The following SELENOF variants were observed in gnomAD, a reference collection of about 807,000 sequenced individuals.
The protein encoded by SELENOF is 15 kDa selenoprotein.
Under a neutral mutation model 20.5 loss-of-function variants are expected in SELENOF, and 16 were observed. The observed-to-expected ratio is 0.78, with a 90% CI of 0.53 to 1.19. SELENOF has a LOEUF of 1.19. Among genes scored for constraint, SELENOF ranks in the 50% most tolerant of loss-of-function variants. The probability of loss-of-function intolerance (pLI) is 0.00; values close to 1 mark genes in which losing one functional copy is unlikely to be tolerated. For synonymous variants in SELENOF, 78 were observed against 74.5 expected, an observed-to-expected ratio of 1.05 and a Z score of -0.24; for missense variants, 215 against 194.2, an observed-to-expected ratio of 1.11 and a Z score of -0.64.
rs1411033695 is a variant in SELENOF, at chr1:86,866,756, TATC to T, written c.366+1294_366+1296del. 2.0e-5 allele frequency among the ~76,000 whole-genome samples: 3 copies of T among 152,172 alleles called. No individual in the cohort carries two copies. In the East Asian group the frequency reaches 5.8e-4, roughly 29 times the overall value. On this transcript the variant is annotated intron_variant, in intron 4 of 4. Transcript: ENST00000331835. The stretch of plus-strand genomic sequence containing the variant: ...ATTGCAAATTAAAATAACAATGAAA[TATC>T]ATCACATACTTATTAGAACAACTAA...
At chr1:86,865,848 C>T (rs891500198) in intron 4 of SELENOF, among the ~76,000 whole-genome samples, 3 of 152,002 alleles carry the variant, frequency 2.0e-5, no homozygotes, top group Admixed American at 2.0e-4. Flanking sequence ...GCATTATTTA[C>T]AATAGCCAAG....
chr1:86,896,286 GA>G (rs896651280), intron 2 of SELENOF, among the ~76,000 whole-genome samples: 1 of 150,952 alleles, frequency 6.6e-6, no homozygotes, highest in African/African-American at 2.4e-5. Context: ...TATAGTTAGG[GA>G]AAAAAAAGTT....
rs1198916065 is a variant in SELENOF, at chr1:86,903,404, C to A, written c.129G>T (p.Glu43Asp). 2 of 1,611,322 alleles carry A rather than the reference C, an allele frequency of 1.2e-6. No individual in the cohort carries two copies. Among genetic ancestry groups the A allele is most frequent in the African/African-American group, 2.7e-5 (2 of 74,856 alleles). ...GAEFSSEACR[E>D]LGFSSNLLCS... is the part of the protein sequence containing the mutation. Reference sequence around the variant, plus strand: ...AAAGCAAGTTGCTAGAAAAGCCTAACTCTCTGCATGCCTCCGATGAAAACT... The same window carrying A: ...AAAGCAAGTTGCTAGAAAAGCCTAAATCTCTGCATGCCTCCGATGAAAACT... Residue 43 changes from glutamate to aspartate, a missense_variant, in exon 2 of 5, where the codon GAG becomes GAT. Glu to Asp is a conservative substitution (Grantham distance 45). Transcript: ENST00000331835.
At chr1:86,877,796 C>A (rs1281775166) in intron 3 of SELENOF, among the ~76,000 whole-genome samples, 2 of 152,176 alleles carry the variant, frequency 1.3e-5, no homozygotes, top group African/African-American at 4.8e-5. Context: ...CAGTGACGTG[C>A]ATTCGTTTAA....
rs1476667657 is a variant in SELENOF, at chr1:86,900,144, T to C, written c.252+3137A>G. 2.8e-5 allele frequency among the ~76,000 whole-genome samples: 4 copies of C among 143,786 alleles called. No individual in the cohort carries two copies. The East Asian group carries it at 8.9e-4, about 32-fold the overall frequency. 94.3% of individuals were successfully genotyped at this position (143,786 alleles called of 152,430 possible). A position where few individuals can be genotyped will look rare whatever the true frequency, so the allele number is the denominator to read the frequency against. On this transcript the variant is annotated intron_variant, in intron 2 of 4. Coordinates refer to ENST00000331835, the MANE Select transcript of SELENOF (RefSeq NM_004261.5). ...GAGGGGCTCCTCACATCCCAGACGATGGGCGGCCAGGCGGAGACGCTCCTC... is the reference window on the plus strand; with the variant it reads ...GAGGGGCTCCTCACATCCCAGACGACGGGCGGCCAGGCGGAGACGCTCCTC...
intron 1 of SELENOF, among the ~76,000 whole-genome samples, chr1:86,912,212 TTAACAA>T (rs1209097273): frequency 6.6e-6 from 1 of 152,166 alleles, no homozygotes; most frequent in African/African-American, 2.4e-5. Context: ...GCCTGAGTGA[TTAACAA>T]TAAGTGGATG....
Position 86,882,268 on chromosome 1 carries a change from A to AAAAG in SELENOF, c.253-1547_253-1544dup, listed in dbSNP as rs1557459977. On this transcript the variant is annotated intron_variant, in intron 2 of 4. Coordinates refer to ENST00000331835, the MANE Select transcript of SELENOF (RefSeq NM_004261.5). The stretch of plus-strand genomic sequence containing the variant: ...GTCTCAAAAAAAAAAAAAAAAAAAA[A>AAAAG]AAAGAAAGAAAGAAAGAATAGGTTA... Among the ~76,000 whole-genome samples the AAAAG allele has an allele frequency of 1.7e-4, 24 of 143,884 alleles. No homozygotes were observed. The South Asian group carries it at 2.8e-3, about 17-fold the overall frequency. 94.4% of individuals were successfully genotyped at this position (143,884 alleles called of 152,430 possible).
At chr1:86,892,007 T>C (rs1439810760) in intron 2 of SELENOF, among the ~76,000 whole-genome samples, 1 of 151,990 alleles carries the variant, frequency 6.6e-6, no homozygotes, top group African/African-American at 2.4e-5. Context: ...CTCGGTTCAA[T>C]GCAACCTCTG....
intron 1 of SELENOF, among the ~76,000 whole-genome samples, chr1:86,909,551 G>C (rs375421549): frequency 2.6e-5 from 4 of 152,258 alleles, no homozygotes; most frequent in African/African-American, 9.6e-5. Flanking sequence ...ATACATATGA[G>C]ACACAACGAA....
rs5845 is a variant in SELENOF, at chr1:86,863,156, G to A, written c.*318C>T. 0.27 allele frequency: 59,285 copies of A among 216,292 alleles called. 10,924 individuals are homozygous for A. Among genetic ancestry groups the A allele is most frequent in the African/African-American group, 0.58 (24,729 of 42,894 alleles). The allele number at this position is 216,292 out of a possible 1,614,324, so 13.4% of individuals were successfully genotyped here. On this transcript the variant is annotated 3_prime_UTR_variant, in exon 5 of 5. Transcript: ENST00000331835. ...CTGTCTTGTTAACCTCTCTAATTTA[G>A]AAATCTGTTGTTCGTAAAACTGGAC...
intron 2 of SELENOF, among the ~76,000 whole-genome samples, chr1:86,894,106 C>G (rs932298630): frequency 6.6e-6 from 1 of 150,998 alleles, no homozygotes; most frequent in African/African-American, 2.4e-5. Context: ...TATGCTTCTA[C>G]TGGTATTTTG....
intron 2 of SELENOF, among the ~76,000 whole-genome samples, chr1:86,884,189 A>G (rs1469478069): frequency 6.6e-6 from 1 of 152,158 alleles, no homozygotes; most frequent in Non-Finnish European, 1.5e-5. Context: ...TTTCATGACA[A>G]AACTTCAAAA....
At chr1:86,873,132 C>T (rs1236099563) in intron 3 of SELENOF, among the ~76,000 whole-genome samples, 1 of 151,700 alleles carries the variant, frequency 6.6e-6, no homozygotes, top group Non-Finnish European at 1.5e-5. Context: ...TGGTGCATGC[C>T]TGTATTCCCA....
chr1:86,886,398 T>C (rs1278630193), intron 2 of SELENOF, among the ~76,000 whole-genome samples: 13 of 151,536 alleles, frequency 8.6e-5, no homozygotes, highest in Admixed American at 8.5e-4. Flanking sequence ...AGGTAAACCA[T>C]AAACATCGAC....
chr1:86,872,393 A>G (rs952781573), intron 3 of SELENOF, among the ~76,000 whole-genome samples: 4 of 152,046 alleles, frequency 2.6e-5, no homozygotes, highest in African/African-American at 9.7e-5. Flanking sequence ...TTTGAGGCAT[A>G]GTTTCGCTCT....
Position 86,887,459 on chromosome 1 carries a change from A to G in SELENOF, c.253-6734T>C, listed in dbSNP as rs917878748. 4.6e-5 allele frequency among the ~76,000 whole-genome samples: 7 copies of G among 152,306 alleles called. No individual in the cohort carries two copies. The East Asian group carries it at 5.8e-4, about 13-fold the overall frequency. ...AACTGAGAAGAAAAGTTATAAAACA[A>G]GCAAGTAACATCTACCTTGATTTAA... On this transcript the variant is annotated intron_variant, in intron 2 of 4. Transcript: ENST00000331835.
Position 86,903,313 on chromosome 1 carries a change from A to G in SELENOF, c.220T>C (p.Cys74Arg). The change falls in exon 2 of 5, where the codon TGT becomes CGT. Residue 74 changes from cysteine to arginine, a missense_variant. Physicochemically the swap from Cys to Arg is radical, Grantham distance 180. Coordinates refer to ENST00000331835, the MANE Select transcript of SELENOF (RefSeq NM_004261.5). Reference protein sequence around the residue: ...LQLDPDCRGCCQEEAQFETKK... With the variant: ...LQLDPDCRGCRQEEAQFETKK... ...GTTTCAAATTGTGCTTCCTCCTGAC[A>G]GCATCCTCTGCAATCAGGATCCAGC... 1 of 1,612,176 alleles carries G rather than the reference A, an allele frequency of 6.2e-7. No homozygotes were observed. The highest frequency in any genetic ancestry group is 8.5e-7 in the Non-Finnish European group (1 of 1,179,132).
intron 4 of SELENOF, among the ~76,000 whole-genome samples, chr1:86,864,487 T>C (rs1411041441): frequency 6.6e-6 from 1 of 152,218 alleles, no homozygotes; most frequent in Non-Finnish European, 1.5e-5. Context: ...TCTAGGGTAT[T>C]CTGGGGTTGT....
At chr1:86,913,343 CCATT>C (rs1414324520) in intron 1 of SELENOF, among the ~76,000 whole-genome samples, 2 of 152,134 alleles carry the variant, frequency 1.3e-5, no homozygotes, top group African/African-American at 4.8e-5. Flanking sequence ...TACACTTTTC[CCATT>C]CAAAGGTCAC....
Sources: gnomAD v4.1 joint callset for allele counts (sites outside exome capture counted in the v4.1 genomes callset) on GRCh38, gnomAD v4.1.1 for gene constraint, MANE v1.5 for transcripts, NCBI Gene and HGNC (gene_info 2026-07-23, HGNC 2026-07-21) for gene names.